The following MYH11 variants were observed in gnomAD, a reference collection of about 807,000 sequenced individuals.
MYH11 encodes the protein myosin heavy chain 11.
MYH11 carries 80 observed loss-of-function variants against 246.6 expected under a neutral mutation model. The ratio of observed to expected loss-of-function variants is 0.32; its 90% CI spans 0.27 to 0.39. The LOEUF (loss-of-function observed/expected upper bound fraction) is 0.39, where lower values mean the gene tolerates loss of function less well. MYH11 is among the 10% of genes least tolerant of loss of function. The pLI, the probability that MYH11 is intolerant of heterozygous loss-of-function variation, is 1.00. For synonymous variants in MYH11, 1,071 were observed against 1,015.5 expected (o/e 1.05, Z -1.04); for missense variants, 2,158 against 2,546.8 (o/e 0.85, Z 3.29).
intron 4 of MYH11, among the ~76,000 whole-genome samples, chr16:15,787,068 G>A (rs1024828352): frequency 6.6e-6 from 1 of 150,654 alleles, no homozygotes; most frequent in Non-Finnish European, 1.5e-5. Context: ...GCCCAGGAGT[G>A]TGAGACCAGC....
chr16:15,756,418 C>G lies in MYH11; in HGVS notation c.1672G>C (p.Gly558Arg). Residue 558 changes from glycine (G) to arginine (R), a missense_variant, in exon 14 of 41, where the codon GGC becomes CGC. Gly to Arg is a moderately radical substitution (Grantham distance 125). This residue lies in a region of MYH11 where 317 missense variants were observed against 507.7 expected (regional missense o/e 0.62). Coordinates refer to ENST00000300036, the MANE Select transcript of MYH11 (RefSeq NM_002474.3). ...SFVEKLCTEQ[G>R]SHPKFQKPKQ... The stretch of plus-strand genomic sequence containing the variant: ...GGCTTCTGGAACTTGGGGTGGCTGC[C>G]CTGCTCCGTGCACAGCTTCTCCACG... 1 of 1,614,144 alleles carries G rather than the reference C, an allele frequency of 6.2e-7. No individual in the cohort carries two copies. Among genetic ancestry groups the G allele is most frequent in the Non-Finnish European group, 8.5e-7 (1 of 1,180,028 alleles).
chr16:15,758,369 TATCA>T (rs2041785346), intron 12 of MYH11, among the ~76,000 whole-genome samples: 1 of 152,154 alleles, frequency 6.6e-6, no homozygotes. Context: ...TCGGGACATC[TATCA>T]ATCTTAAAAC....
intron 40 of MYH11, chr16:15,711,297 C>T (rs1208355972): frequency 6.6e-6 from 1 of 152,166 alleles, no homozygotes; most frequent in Non-Finnish European, 1.5e-5. Context: ...AAGTCATTTC[C>T]TTTCCAACTC....
intron 3 of MYH11, among the ~76,000 whole-genome samples, chr16:15,812,033 A>G (rs545178666): frequency 6.6e-6 from 1 of 152,114 alleles, no homozygotes; most frequent in Non-Finnish European, 1.5e-5. Context: ...CATCACGTTC[A>G]TTTATTGAAC....
At chr16:15,829,729 C>T (rs1023024272) in intron 2 of MYH11, among the ~76,000 whole-genome samples, 19 of 152,172 alleles carry the variant, frequency 1.2e-4, no homozygotes, top group Admixed American at 2.6e-4. Context: ...TTTTCTCTGA[C>T]GCTTTATATG....
intron 1 of MYH11, among the ~76,000 whole-genome samples, chr16:15,849,312 G>A (rs1439691018): frequency 1.3e-5 from 2 of 152,196 alleles, no homozygotes; most frequent in African/African-American, 4.8e-5. Flanking sequence ...GATGACAGGC[G>A]TGAGTCACCT....
intron 3 of MYH11, among the ~76,000 whole-genome samples, chr16:15,814,149 A>AAAAC (rs1491007755): frequency 6.6e-5 from 6 of 91,468 alleles, no homozygotes; most frequent in Non-Finnish European, 1.3e-4. Flanking sequence ...CCAAAAAAAA[A>AAAAC]CAAACAAACC....
At chr16:15,843,483 G>C (rs1431891299) in intron 1 of MYH11, among the ~76,000 whole-genome samples, 1 of 149,988 alleles carries the variant, frequency 6.7e-6, no homozygotes, top group Non-Finnish European at 1.5e-5. Flanking sequence ...GAAGTCAAGA[G>C]ATCGAGACCA....
At chr16:15,715,114 A>G in intron 39 of MYH11, 33 bp from the exon 40 acceptor site, 1 of 1,535,774 alleles carries the variant, frequency 6.5e-7, no homozygotes, top group Non-Finnish European at 8.9e-7. Context: ...TGGTTAGGGG[A>G]GGCCGGCTGG....
intron 2 of MYH11, among the ~76,000 whole-genome samples, chr16:15,824,131 G>A (rs893615444): frequency 2.1e-4 from 32 of 152,086 alleles, no homozygotes; most frequent in Non-Finnish European, 1.6e-4. Context: ...TTAACAGGTG[G>A]CACAGAAAAT....
intron 1 of MYH11, among the ~76,000 whole-genome samples, chr16:15,849,599 A>G (rs192269324): frequency 3.2e-4 from 49 of 151,940 alleles, no homozygotes; most frequent in Middle Eastern, 3.4e-3. Flanking sequence ...GCACCAGAAC[A>G]CCCAGCTAAT....
intron 14 of MYH11, 44 bp downstream of exon 14, chr16:15,756,296 TG>T: frequency 6.2e-7 from 1 of 1,606,324 alleles, no homozygotes; most frequent in Non-Finnish European, 8.5e-7. Context: ...GAGCAGCCAC[TG>T]GGGGTCCCCT....
intron 5 of MYH11, among the ~76,000 whole-genome samples, chr16:15,784,012 C>T (rs1172933197): frequency 6.6e-6 from 1 of 152,126 alleles, no homozygotes; most frequent in Non-Finnish European, 1.5e-5. Flanking sequence ...GCCCCCCAAG[C>T]TCTGTGTTAG....
rs1313167543 is a variant in MYH11, at chr16:15,771,620, C to T, written c.982G>A (p.Glu328Lys). The T allele has an allele frequency of 1.2e-6, 2 of 1,613,990 alleles. No homozygotes were observed. The highest frequency in any genetic ancestry group is 1.7e-6 in the Non-Finnish European group (2 of 1,180,012). ...PAAQDDEMFQ[E>K]TVEAMAIMGF... The stretch of plus-strand genomic sequence containing the variant: ...ATGATTGCCATGGCCTCCACGGTTT[C>T]CTGGAACATCTCATCATCCTGGGCT... The change falls in exon 9 of 41, where the codon GAA (glutamate) becomes AAA (lysine). Residue 328 changes from glutamate to lysine, a missense_variant. Coordinates refer to ENST00000300036, the MANE Select transcript of MYH11 (RefSeq NM_002474.3).
At chr16:15,758,319 CAG>C (rs2041783852) in intron 12 of MYH11, among the ~76,000 whole-genome samples, 1 of 152,124 alleles carries the variant, frequency 6.6e-6, no homozygotes, top group Non-Finnish European at 1.5e-5. Context: ...GATGTGAAAA[CAG>C]AGGCGCAGAG....
At chr16:15,820,530 G>A (rs1178491322) in intron 3 of MYH11, among the ~76,000 whole-genome samples, 1 of 151,488 alleles carries the variant, frequency 6.6e-6, no homozygotes, top group African/African-American at 2.4e-5. Flanking sequence ...AAGATTCAGG[G>A]CAATTCACAG....
chr16:15,780,302 G>C (rs948197496), intron 6 of MYH11, among the ~76,000 whole-genome samples: 1 of 151,904 alleles, frequency 6.6e-6, no homozygotes, highest in Non-Finnish European at 1.5e-5. Flanking sequence ...AGTGAACAGT[G>C]GGGCCAAGGA....
At chr16:15,839,404 T>G (rs2043991687) in intron 1 of MYH11, among the ~76,000 whole-genome samples, 1 of 151,680 alleles carries the variant, frequency 6.6e-6, no homozygotes, top group Non-Finnish European at 1.5e-5. Flanking sequence ...AGATAGAAGG[T>G]AATGGCGGCC....
At chr16:15,714,659 G>A (rs962585522) in intron 40 of MYH11, 3 of 591,164 alleles carry the variant, frequency 5.1e-6, no homozygotes, top group Admixed American at 6.0e-5. Flanking sequence ...TCAGCCGGAG[G>A]ACCGGATGGG....
Sources: gnomAD v4.1 joint callset for allele counts (sites outside exome capture counted in the v4.1 genomes callset) on GRCh38, gnomAD v4.1.1 for gene constraint, gnomAD v4.1.1 regional missense constraint, MANE v1.5 for transcripts, NCBI Gene and HGNC (gene_info 2026-07-23, HGNC 2026-07-21) for gene names.